Variants in BICDL1 observed in about 807,000 individuals in gnomAD.
BICDL1 encodes the protein BICD family-like cargo adapter 1.
Under a neutral mutation model 76.8 loss-of-function variants are expected in BICDL1, and 20 were observed. The observed-to-expected ratio is 0.26, with a 90% CI of 0.18 to 0.38. The LOEUF (loss-of-function observed/expected upper bound fraction) is 0.38, where lower values mean the gene tolerates loss of function less well. Ranked by LOEUF, BICDL1 falls within the 10% of genes least tolerant of loss-of-function variation. The probability of loss-of-function intolerance (pLI) is 1.00; values close to 1 mark genes in which losing one functional copy is unlikely to be tolerated. For missense variants in BICDL1, 700 were observed against 798.6 expected, an observed-to-expected ratio of 0.88 and a Z score of 1.49; for synonymous variants, 383 against 337.1, an observed-to-expected ratio of 1.14 and a Z score of -1.49.
chr12:119,999,792 C>G (rs1225302711), intron 2 of BICDL1: 2 of 446,154 alleles, frequency 4.5e-6, no homozygotes, highest in Non-Finnish European at 8.9e-6. Context: ...TATTCTACCT[C>G]AGCCCTTCTT....
In BICDL1 at chr12:120,027,860, G is replaced by A. The variant is rs1952340580; in HGVS notation, c.645+29124G>A. Among the ~76,000 whole-genome samples, 3 of 152,244 alleles carry A rather than the reference G, an allele frequency of 2.0e-5. No individual in the cohort carries two copies. In the South Asian group the frequency reaches 6.2e-4, roughly 32 times the overall value. On this transcript the variant is annotated intron_variant, in intron 2 of 9. Transcript: ENST00000548673. ...TTAACACCATCATTCCTAATTAACAGATCTGTTTACTCTTAATTTGCAATT... is the reference window on the plus strand; with the variant it reads ...TTAACACCATCATTCCTAATTAACAAATCTGTTTACTCTTAATTTGCAATT...
At chr12:120,034,501 A>T (rs1344863886) in intron 2 of BICDL1, among the ~76,000 whole-genome samples, 2 of 152,080 alleles carry the variant, frequency 1.3e-5, no homozygotes, top group Non-Finnish European at 2.9e-5. Context: ...TGACTTTATG[A>T]CCCGTTTTGG....
At chr12:120,016,531 C>T (rs1952066209) in intron 2 of BICDL1, among the ~76,000 whole-genome samples, 1 of 149,168 alleles carries the variant, frequency 6.7e-6, no homozygotes, top group African/African-American at 2.5e-5. Context: ...TGGTGATTCT[C>T]CCACTTCAGT....
intron 8 of BICDL1, among the ~76,000 whole-genome samples, chr12:120,085,099 G>A (rs2139002574): frequency 6.6e-6 from 1 of 152,238 alleles, no homozygotes; most frequent in South Asian, 2.1e-4. Flanking sequence ...ACATAACGAT[G>A]TATCTTTGCT....
At chr12:120,001,991 C>G (rs967661337) in intron 2 of BICDL1, among the ~76,000 whole-genome samples, 30 of 152,144 alleles carry the variant, frequency 2.0e-4, no homozygotes, top group African/African-American at 7.2e-4. Flanking sequence ...ATGATCACAC[C>G]ACTGCACTGC....
chr12:120,064,800 A>G lies in BICDL1; in HGVS notation c.830A>G (p.Asp277Gly). The G allele has an allele frequency of 6.2e-7, 1 of 1,613,854 alleles. No individual in the cohort carries two copies. The highest frequency in any genetic ancestry group is 8.5e-7 in the Non-Finnish European group (1 of 1,179,880). ...HRLSATLEEN[D>G]LLQGTVEELQ... ...CTCAGCGCTACTTTAGAGGAAAATG[A>G]CCTGCTCCAAGGGACCGTGGAGGAG... Residue 277 changes from aspartate (D) to glycine (G), a missense_variant, in exon 4 of 10, where the codon GAC (aspartate) becomes GGC (glycine). Coordinates refer to ENST00000548673, the MANE Select transcript of BICDL1 (RefSeq NM_001367886.1).
chr12:120,057,273 C>T, intron 2 of BICDL1: 8 of 365,866 alleles, frequency 2.2e-5, no homozygotes, highest in South Asian at 1.7e-4. Flanking sequence ...CCTTGGCCTC[C>T]CAACGTGCTG....
intron 8 of BICDL1, among the ~76,000 whole-genome samples, chr12:120,088,199 T>G (rs1443742809): frequency 6.6e-6 from 1 of 152,010 alleles, no homozygotes; most frequent in Non-Finnish European, 1.5e-5. Context: ...CCCAAAGTGC[T>G]GGGGATTAGA....
chr12:120,062,232 G>A (rs1419877444), intron 3 of BICDL1, among the ~76,000 whole-genome samples: 1 of 152,140 alleles, frequency 6.6e-6, no homozygotes. Flanking sequence ...TTTTTGCAAG[G>A]ATATTATGGG....
chr12:120,050,942 A>G (rs1952845670), intron 2 of BICDL1, among the ~76,000 whole-genome samples: 1 of 151,906 alleles, frequency 6.6e-6, no homozygotes, highest in Admixed American at 6.6e-5. Flanking sequence ...TGGGTTTTTA[A>G]TTTTAAGTTA....
At chr12:120,068,431 C>T (rs905525205) in intron 4 of BICDL1, among the ~76,000 whole-genome samples, 1 of 152,136 alleles carries the variant, frequency 6.6e-6, no homozygotes, top group Admixed American at 6.6e-5. Flanking sequence ...GGCATGTGGT[C>T]GTGTGTCTAG....
chr12:120,073,555 TC>T (rs1183803330), intron 6 of BICDL1, among the ~76,000 whole-genome samples: 4 of 152,192 alleles, frequency 2.6e-5, no homozygotes, highest in South Asian at 2.1e-4. Flanking sequence ...AGAGGACTGT[TC>T]CCGTGGGCAT....
At chr12:120,070,679 GA>G (rs1873017063) in intron 4 of BICDL1, among the ~76,000 whole-genome samples, 1 of 151,196 alleles carries the variant, frequency 6.6e-6, no homozygotes, top group Non-Finnish European at 1.5e-5. Flanking sequence ...ATTTTTGTTT[GA>G]ATCAAGATAC....
At chr12:120,061,161 C>T (rs1271093893) in intron 2 of BICDL1, among the ~76,000 whole-genome samples, 1 of 152,066 alleles carries the variant, frequency 6.6e-6, no homozygotes, top group African/African-American at 2.4e-5. Flanking sequence ...CTGGCACTCC[C>T]CAAAGAATTA....
At chr12:120,025,554 T>C (rs1952281805) in intron 2 of BICDL1, among the ~76,000 whole-genome samples, 1 of 152,176 alleles carries the variant, frequency 6.6e-6, no homozygotes, top group Admixed American at 6.5e-5. Context: ...CACATGACCG[T>C]ACACTCTGAA....
At chr12:119,996,017 G>A (rs1170725391) in intron 1 of BICDL1, among the ~76,000 whole-genome samples, 3 of 151,766 alleles carry the variant, frequency 2.0e-5, no homozygotes, top group Non-Finnish European at 4.4e-5. Flanking sequence ...ATTTTTGGAA[G>A]TTAAGCAATA....
At chr12:119,998,443 G>A in intron 1 of BICDL1, 78 bp from the exon 2 acceptor site, 2 of 1,320,472 alleles carry the variant, frequency 1.5e-6, no homozygotes, top group Non-Finnish European at 2.0e-6. Flanking sequence ...AAAAAGAAAA[G>A]TTGGGACAGC....
At position 120,076,749 on chromosome 12, in the gene BICDL1, G is replaced by A. The variant is rs539163818; in HGVS notation, c.1452+2163G>A. 1.4e-4 allele frequency among the ~76,000 whole-genome samples: 21 copies of A among 152,336 alleles called. No homozygotes were observed. The South Asian group carries it at 2.7e-3, about 20-fold the overall frequency. On this transcript the variant is annotated intron_variant, in intron 7 of 9. Coordinates refer to ENST00000548673, the MANE Select transcript of BICDL1 (RefSeq NM_001367886.1). ...AGAAAACCTCTCAGCCACACCGCAC[G>A]TAGCAAAGCCACCTCATGGGGAGTA...
At chr12:120,039,366 G>A (rs529466540) in intron 2 of BICDL1, among the ~76,000 whole-genome samples, 2 of 150,012 alleles carry the variant, frequency 1.3e-5, no homozygotes, top group East Asian at 2.0e-4. Context: ...TGGGCCGAGC[G>A]TGGTGGTTCA....
Sources: gnomAD v4.1 joint callset for allele counts (sites outside exome capture counted in the v4.1 genomes callset) on GRCh38, gnomAD v4.1.1 for gene constraint, MANE v1.5 for transcripts, NCBI Gene and HGNC (gene_info 2026-07-23, HGNC 2026-07-21) for gene names.